Variants in DUSP14 observed in about 807,000 individuals in gnomAD.
The protein encoded by DUSP14 is dual specificity protein phosphatase 14.
Under a neutral mutation model 13.2 loss-of-function variants are expected in DUSP14, and 5 were observed. The observed-to-expected ratio is 0.38, with a 90% CI of 0.20 to 0.80. The LOEUF is 0.80. DUSP14 is among the 30% of genes least tolerant of loss of function. The probability of loss-of-function intolerance (pLI) is 0.44; values close to 1 mark genes in which losing one functional copy is unlikely to be tolerated. For synonymous variants in DUSP14, 91 were observed against 103.4 expected (o/e 0.88, Z 0.73); for missense variants, 185 against 264.0 (o/e 0.70, Z 2.07).
chr17:37,512,156 A>T lies in DUSP14; in HGVS notation c.-92-25A>T, dbSNP rs985434855. On this transcript the variant is annotated intron_variant, in intron 2 of 2. Coordinates refer to ENST00000617516, the MANE Select transcript of DUSP14 (RefSeq NM_007026.4). The surrounding 1 kb of genome is among the most constrained non-coding windows in gnomAD (Gnocchi z 4.8). Reference sequence around the variant, plus strand: ...GTGATGAATCAGTAGCATTTAAAGTACTGACACATACCTGTATTTTGCAGG... The same window carrying T: ...GTGATGAATCAGTAGCATTTAAAGTTCTGACACATACCTGTATTTTGCAGG... 2.6e-6 allele frequency: 2 copies of T among 781,758 alleles called. No individual in the cohort carries two copies. Among genetic ancestry groups the T allele is most frequent in the Non-Finnish European group, 4.1e-6 (2 of 483,900 alleles). 48.4% of individuals were successfully genotyped at this position (781,758 alleles called of 1,614,324 possible). A position where few individuals can be genotyped will look rare whatever the true frequency, so the allele number is the denominator to read the frequency against.
upstream of DUSP14, chr17:37,489,865 G>T (rs992165153): frequency 6.8e-6 from 1 of 147,816 alleles, no homozygotes; most frequent in Non-Finnish European, 1.5e-5. Context: ...GAGGGAGGAG[G>T]AGGCGGCGCG....
chr17:37,496,350 A>G (rs2054064861), intron 1 of DUSP14, among the ~76,000 whole-genome samples: 1 of 152,230 alleles, frequency 6.6e-6, no homozygotes, highest in South Asian at 2.1e-4. Context: ...CACGCCTATA[A>G]TCCCAGCACT....
chr17:37,501,895 C>G (rs2054107740), intron 1 of DUSP14, among the ~76,000 whole-genome samples: 1 of 152,156 alleles, frequency 6.6e-6, no homozygotes, highest in Non-Finnish European at 1.5e-5. Context: ...CAAGAAACAA[C>G]TCAGGTTTTC....
chr17:37,509,752 A>G (rs554163338), intron 1 of DUSP14: 2 of 151,932 alleles, frequency 1.3e-5, no homozygotes, highest in African/African-American at 2.4e-5. Flanking sequence ...TTGGATTATT[A>G]AAAAAAATGA....
At chr17:37,507,729 G>A (rs193239293) in intron 1 of DUSP14, among the ~76,000 whole-genome samples, 2 of 152,066 alleles carry the variant, frequency 1.3e-5, no homozygotes, top group African/African-American at 2.4e-5. Flanking sequence ...GTAAGCCACC[G>A]TGTCTATGGC....
At position 37,509,133 on chromosome 17, in the gene DUSP14, A is replaced by ATATATATATG. The variant is rs1195715658; in HGVS notation, c.-180-1544_-180-1543insTATATATATG. Among the ~76,000 whole-genome samples, 11 of 35,266 alleles carry ATATATATATG rather than the reference A, an allele frequency of 3.1e-4. 1 individual carries two copies. Among genetic ancestry groups the ATATATATATG allele is most frequent in the African/African-American group, 1.6e-3 (10 of 6,318 alleles). 23.1% of individuals were successfully genotyped at this position (35,266 alleles called of 152,430 possible). A position where few individuals can be genotyped will look rare whatever the true frequency, so the allele number is the denominator to read the frequency against. On this transcript the variant is annotated intron_variant, in intron 1 of 2. Coordinates refer to ENST00000617516, the MANE Select transcript of DUSP14 (RefSeq NM_007026.4). The stretch of plus-strand genomic sequence containing the variant: ...TATATATATATATATATATATACAC[A>ATATATATATG]CACACACACACACACACACACACAC...
chr17:37,508,277 C>G (rs1406128942), intron 1 of DUSP14, among the ~76,000 whole-genome samples: 1 of 147,814 alleles, frequency 6.8e-6, no homozygotes, highest in African/African-American at 2.5e-5. Flanking sequence ...TCAGACGTGC[C>G]CCCGACCCGC....
At chr17:37,502,669 G>A (rs1883220476) in intron 1 of DUSP14, among the ~76,000 whole-genome samples, 8 of 151,960 alleles carry the variant, frequency 5.3e-5, no homozygotes. Context: ...ATATCTAGTG[G>A]TTGAGCTTGG....
intron 1 of DUSP14, among the ~76,000 whole-genome samples, chr17:37,506,544 CAGAG>C (rs538401968): frequency 3.3e-4 from 50 of 152,304 alleles, no homozygotes; most frequent in African/African-American, 1.1e-3. Context: ...CATGTTCACT[CAGAG>C]AGCACCATGC....
intron 1 of DUSP14, among the ~76,000 whole-genome samples, chr17:37,499,738 CG>C (rs1568201137): frequency 6.6e-6 from 1 of 152,018 alleles, no homozygotes; most frequent in Non-Finnish European, 1.5e-5. Flanking sequence ...CCATGTTGGC[CG>C]GGCTGGTCTC....
intron 1 of DUSP14, among the ~76,000 whole-genome samples, chr17:37,509,263 A>G (rs1168839930): frequency 0.04 from 1,326 of 33,092 alleles, 114 homozygotes; most frequent in African/African-American, 0.12. Flanking sequence ...ATATATATAT[A>G]TATATATATA....
At chr17:37,510,189 G>T (rs1355251749) in intron 1 of DUSP14, 13 of 152,232 alleles carry the variant, frequency 8.5e-5, no homozygotes, top group Admixed American at 5.2e-4. Flanking sequence ...TAGCTTCCTG[G>T]TGCACACTGT....
intron 1 of DUSP14, among the ~76,000 whole-genome samples, chr17:37,508,790 T>TG (rs2054154593): frequency 6.8e-6 from 1 of 145,990 alleles, no homozygotes; most frequent in Non-Finnish European, 1.5e-5. Flanking sequence ...TTTATAAACT[T>TG]TTTTTTTCAA....
At chr17:37,489,564 G>A (rs2054010437), upstream of DUSP14, among the ~76,000 whole-genome samples, 1 of 152,032 alleles carries the variant, frequency 6.6e-6, no homozygotes, top group Non-Finnish European at 1.5e-5. Flanking sequence ...CGCCCCCGCA[G>A]CCCGCCTCGA....
At chr17:37,490,558 T>C (rs1330554129) in intron 1 of DUSP14, among the ~76,000 whole-genome samples, 1 of 152,196 alleles carries the variant, frequency 6.6e-6, no homozygotes, top group East Asian at 1.9e-4. Flanking sequence ...GGGTGCGTGC[T>C]GTGGCCGCCT....
At chr17:37,493,005 GTGTATGTGTATGTATGTGTGTGTGTA>G (rs1211342888) in intron 1 of DUSP14, among the ~76,000 whole-genome samples, 1 of 152,178 alleles carries the variant, frequency 6.6e-6, no homozygotes, top group Non-Finnish European at 1.5e-5. Context: ...GTGTGTGTGT[GTGTATGTGTATGTATGTGTGTGTGTA>G]TGTATGTATA....
intron 1 of DUSP14, 96 bp from the exon 2 acceptor site, chr17:37,510,581 C>G (rs142427647): frequency 2.0e-5 from 3 of 152,320 alleles, no homozygotes; most frequent in Non-Finnish European, 4.4e-5. Flanking sequence ...CTTCCTGGCT[C>G]TATTTCAGTC....
In DUSP14 at chr17:37,513,444, C is replaced by T. The variant is rs1335881299; in HGVS notation, c.*575C>T. 6.0e-6 allele frequency: 1 copy of T among 167,238 alleles called. No individual in the cohort carries two copies. Among genetic ancestry groups the T allele is most frequent in the Non-Finnish European group, 1.5e-5 (1 of 68,252 alleles). The allele number at this position is 167,238 out of a possible 1,614,324, so 10.4% of individuals were successfully genotyped here. The stretch of plus-strand genomic sequence containing the variant: ...CTGCTGCAAAATCTCTCTTGGAATC[C>T]ATGTGCCCAGGATTATATTAGCATT... On this transcript the variant is annotated 3_prime_UTR_variant, in exon 3 of 3. Coordinates refer to ENST00000617516, the MANE Select transcript of DUSP14 (RefSeq NM_007026.4).
intron 1 of DUSP14, among the ~76,000 whole-genome samples, chr17:37,497,553 G>A (rs2054073906): frequency 1.3e-5 from 2 of 152,042 alleles, no homozygotes; most frequent in South Asian, 4.2e-4. Flanking sequence ...CTTGAGCCCA[G>A]GAGTTCGAGT....
Sources: gnomAD v4.1 joint callset for allele counts (sites outside exome capture counted in the v4.1 genomes callset) on GRCh38, gnomAD v4.1.1 for gene constraint, Gnocchi (gnomAD v3.1) non-coding constraint, MANE v1.5 for transcripts, NCBI Gene and HGNC (gene_info 2026-07-23, HGNC 2026-07-21) for gene names.